BACH2: variants seen among roughly 807,000 people sequenced by gnomAD.
The protein encoded by BACH2 is transcription regulator protein BACH2.
Under a neutral mutation model 61.8 loss-of-function variants are expected in BACH2, and 5 were observed. That is an observed-to-expected ratio of 0.08 (90% CI 0.04 to 0.17). The LOEUF is 0.17. Ranked by LOEUF, BACH2 falls within the 10% of genes least tolerant of loss-of-function variation. The pLI, the probability that BACH2 is intolerant of heterozygous loss-of-function variation, is 1.00. For missense variants in BACH2, 824 were observed against 1,091.1 expected (o/e 0.76, Z 3.45); for synonymous variants, 446 against 440.1 (o/e 1.01, Z -0.17).
intron 3 of BACH2, among the ~76,000 whole-genome samples, chr6:90,234,890 G>A (rs1419928198): frequency 6.6e-6 from 1 of 152,108 alleles, no homozygotes; most frequent in Non-Finnish European, 1.5e-5. Flanking sequence ...TCACTAGCTG[G>A]GTGACCTTGG....
At chr6:90,290,643 T>C (rs1772149934) in intron 1 of BACH2, among the ~76,000 whole-genome samples, 1 of 152,252 alleles carries the variant, frequency 6.6e-6, no homozygotes, top group South Asian at 2.1e-4. Context: ...ACATTCACTT[T>C]GTTTCCTACT....
At chr6:90,270,840 T>C (rs538229152) in intron 2 of BACH2, among the ~76,000 whole-genome samples, 45 of 152,260 alleles carry the variant, frequency 3.0e-4, no homozygotes, top group East Asian at 2.5e-3. Flanking sequence ...TACAAGGCTA[T>C]AGTTGCCAAA....
intron 1 of BACH2, among the ~76,000 whole-genome samples, chr6:90,282,378 C>T (rs1728660635): frequency 6.6e-6 from 1 of 152,110 alleles, no homozygotes; most frequent in Non-Finnish European, 1.5e-5. Flanking sequence ...CATCATTTAG[C>T]TCCCACTTAT....
intron 1 of BACH2, among the ~76,000 whole-genome samples, chr6:90,285,869 G>A (rs748931148): frequency 6.6e-5 from 10 of 152,210 alleles, no homozygotes; most frequent in African/African-American, 2.4e-4. Flanking sequence ...TTACTCTCGT[G>A]TACTTGAGAT....
At chr6:90,163,347 A>G (rs1767471129) in intron 4 of BACH2, among the ~76,000 whole-genome samples, 2 of 152,194 alleles carry the variant, frequency 1.3e-5, no homozygotes, top group Admixed American at 6.5e-5. Context: ...GGTAAAAACA[A>G]TGAAGTGATA....
intron 4 of BACH2, among the ~76,000 whole-genome samples, chr6:90,148,098 G>T (rs1010278479): frequency 1.3e-5 from 2 of 152,204 alleles, no homozygotes; most frequent in Non-Finnish European, 2.9e-5. Context: ...TTGACTTAAA[G>T]GTGGCAATTT....
chr6:90,072,444 T>C (rs1781277666), intron 5 of BACH2, among the ~76,000 whole-genome samples: 1 of 152,184 alleles, frequency 6.6e-6, no homozygotes, highest in Non-Finnish European at 1.5e-5. Flanking sequence ...TGAAATGAGA[T>C]ATTTTAGGAT....
In BACH2 at chr6:90,292,776, C is replaced by A. The variant is rs529447389; in HGVS notation, c.-446+3704G>T. ...GAGACAAGCAGCCCCCAGGCCGACA[C>A]TAGCTCTTACATATGCTTTCATCCA... On this transcript the variant is annotated intron_variant, in intron 1 of 8. Transcript: ENST00000257749. 2.2e-4 allele frequency among the ~76,000 whole-genome samples: 33 copies of A among 152,354 alleles called. No individual in the cohort carries two copies. In the South Asian group the frequency reaches 6.2e-3, roughly 29 times the overall value.
At chr6:90,207,680 C>T (rs576570987) in intron 3 of BACH2, among the ~76,000 whole-genome samples, 1 of 152,008 alleles carries the variant, frequency 6.6e-6, no homozygotes, top group African/African-American at 2.4e-5. Flanking sequence ...GAAAAATATA[C>T]TATTTTTAAT....
intron 5 of BACH2, among the ~76,000 whole-genome samples, chr6:90,011,271 A>C (rs1207850777): frequency 6.6e-6 from 1 of 152,192 alleles, no homozygotes; most frequent in Non-Finnish European, 1.5e-5. Context: ...TTTGCATAGG[A>C]ATATCCAATC....
intron 2 of BACH2, among the ~76,000 whole-genome samples, chr6:90,271,366 T>TAAAAAAAAAAAAAAAAA (rs3073450): frequency 1.9e-5 from 2 of 103,878 alleles, no homozygotes; most frequent in East Asian, 2.7e-4. Context: ...CAACCCCATT[T>TAAAAAAAAAAAAAAAAA]AAAAAAAAAA....
chr6:89,985,264 A>G (rs1335485959), intron 6 of BACH2, among the ~76,000 whole-genome samples: 1 of 152,212 alleles, frequency 6.6e-6, no homozygotes, highest in African/African-American at 2.4e-5. Flanking sequence ...GTGGTTCTCA[A>G]TCCTTTGCAG....
chr6:90,266,892 G>C (rs1488322865), intron 2 of BACH2, among the ~76,000 whole-genome samples: 1 of 152,064 alleles, frequency 6.6e-6, no homozygotes, highest in African/African-American at 2.4e-5. Flanking sequence ...CTTGAGGAGG[G>C]TTAATTCTAT....
chr6:89,994,490 G>C (rs1053295247), intron 6 of BACH2, among the ~76,000 whole-genome samples: 1 of 152,120 alleles, frequency 6.6e-6, no homozygotes, highest in Non-Finnish European at 1.5e-5. Flanking sequence ...GTTGCTTTTT[G>C]GATTTTCATT....
At chr6:90,291,708 C>A (rs368473427) in intron 1 of BACH2, among the ~76,000 whole-genome samples, 2 of 151,222 alleles carry the variant, frequency 1.3e-5, no homozygotes, top group African/African-American at 2.4e-5. Flanking sequence ...TGGACATGAA[C>A]AGTTTGTAAA....
intron 5 of BACH2, among the ~76,000 whole-genome samples, chr6:90,078,397 A>G (rs1166623970): frequency 2.0e-5 from 3 of 152,056 alleles, no homozygotes; most frequent in Non-Finnish European, 4.4e-5. Flanking sequence ...AGAGGCTTAC[A>G]TTGTGCTAAC....
rs543492805 is a variant in BACH2, at chr6:90,291,785, C to T, written c.-446+4695G>A. On this transcript the variant is annotated intron_variant, in intron 1 of 8. Coordinates refer to ENST00000257749, the MANE Select transcript of BACH2 (RefSeq NM_021813.4). ...TATATTGCTATTAACAATACAGAAG[C>T]GATTTTCCGTCATTCCCAAGGCCTT... Among the ~76,000 whole-genome samples the T allele has an allele frequency of 4.6e-5, 7 of 152,186 alleles. No individual in the cohort carries two copies. The East Asian group carries it at 1.2e-3, about 25-fold the overall frequency.
At chr6:90,134,685 T>C (rs1465265417) in intron 4 of BACH2, among the ~76,000 whole-genome samples, 2 of 152,260 alleles carry the variant, frequency 1.3e-5, no homozygotes, top group Non-Finnish European at 1.5e-5. Flanking sequence ...CAGTGCCCAG[T>C]CTTCTTGACC....
chr6:89,951,991 C>A lies in BACH2; in HGVS notation c.244-129G>T, dbSNP rs914398232. On this transcript the variant is annotated intron_variant, in intron 6 of 8. Coordinates refer to ENST00000257749, the MANE Select transcript of BACH2 (RefSeq NM_021813.4). This position sits in a 1 kb window ranked among gnomAD's most constrained non-coding sequence, Gnocchi z 6.4. ...TAAAGACTGCAAAGGGGCAGTTAAT[C>A]TTGTAGTACTGGGTCAGCAATGATT... 2.9e-5 allele frequency: 31 copies of A among 1,071,000 alleles called. No individual in the cohort carries two copies. Among genetic ancestry groups the A allele is most frequent in the Non-Finnish European group, 3.9e-5 (29 of 748,390 alleles). 66.3% of individuals were successfully genotyped at this position (1,071,000 alleles called of 1,614,324 possible).
Sources: gnomAD v4.1 joint callset for allele counts (sites outside exome capture counted in the v4.1 genomes callset) on GRCh38, gnomAD v4.1.1 for gene constraint, Gnocchi (gnomAD v3.1) non-coding constraint, MANE v1.5 for transcripts, NCBI Gene and HGNC (gene_info 2026-07-23, HGNC 2026-07-21) for gene names.